Variants in EFR3B observed in about 807,000 individuals in gnomAD.
The protein encoded by EFR3B is EFR3 homolog B.
A neutral mutation model predicts 104.7 loss-of-function variants in EFR3B; 64 were observed. The ratio of observed to expected loss-of-function variants is 0.61; its 90% CI spans 0.50 to 0.75. The LOEUF (loss-of-function observed/expected upper bound fraction) is 0.75, where lower values mean the gene tolerates loss of function less well. Among genes scored for constraint, EFR3B ranks in the 30% least tolerant of loss-of-function variants. The probability of loss-of-function intolerance (pLI) is 0.00; values close to 1 mark genes in which losing one functional copy is unlikely to be tolerated. For missense variants in EFR3B, 750 were observed against 1,078.5 expected (o/e 0.70, Z 4.27); for synonymous variants, 385 against 417.9 (o/e 0.92, Z 0.96).
At chr2:25,084,582 G>A (rs1010943872) in intron 1 of EFR3B, among the ~76,000 whole-genome samples, 9 of 152,240 alleles carry the variant, frequency 5.9e-5, no homozygotes, top group Admixed American at 6.5e-5. Context: ...GGCTGAGGAC[G>A]TGCCCGTGAC....
In EFR3B at chr2:25,143,647, C is replaced by T. The variant is rs1167789440; in HGVS notation, c.1923-88C>T. ...CACACTCCAGCCTGGGCGACAAGAGCAAAACCCTGTCTTAAAAAAAAAAAT... is the reference window on the plus strand; with the variant it reads ...CACACTCCAGCCTGGGCGACAAGAGTAAAACCCTGTCTTAAAAAAAAAAAT... On this transcript the variant is annotated intron_variant, in intron 17 of 22. Transcript: ENST00000403714. 34 of 1,491,728 alleles carry T rather than the reference C, an allele frequency of 2.3e-5. No homozygotes were observed. The South Asian group carries it at 4.3e-4, about 19-fold the overall frequency. The allele number at this position is 1,491,728 out of a possible 1,614,324, so 92.4% of individuals were successfully genotyped here. A position where few individuals can be genotyped will look rare whatever the true frequency, so the allele number is the denominator to read the frequency against.
rs1669817066 is a variant in EFR3B, at chr2:25,114,885, C to A, written c.364-6788C>A. On this transcript the variant is annotated intron_variant, in intron 4 of 22. Transcript: ENST00000403714. The surrounding 1 kb of genome is among the most constrained non-coding windows in gnomAD (Gnocchi z 4.0). ...TGCCCCAGAGTAGGGGGAGCGGGCA[C>A]TTAAGGATGCAGGTACCTGGCCGGG... is the stretch of plus-strand genomic sequence containing the variant. 6.6e-6 allele frequency among the ~76,000 whole-genome samples: 1 copy of A among 152,280 alleles called. No individual in the cohort carries two copies. The highest frequency in any genetic ancestry group is 2.1e-4 in the South Asian group (1 of 4,826).
chr2:25,115,804 G>C (rs576409696), intron 4 of EFR3B, among the ~76,000 whole-genome samples: 1 of 152,368 alleles, frequency 6.6e-6, no homozygotes, highest in South Asian at 2.1e-4. Context: ...GTGTTAAGCA[G>C]TGAGTGCCAC....
At chr2:25,125,532 T>C (rs1670138645) in intron 5 of EFR3B, among the ~76,000 whole-genome samples, 1 of 152,174 alleles carries the variant, frequency 6.6e-6, no homozygotes, top group South Asian at 2.1e-4. Context: ...AGGGAATCCT[T>C]GCCCATCGCC....
At position 25,131,238 on chromosome 2, in the gene EFR3B, C is replaced by A; in HGVS notation, c.850-130C>A. ...CAGTAAAGGGCACGAGGTGTCAGTGCCAACTGCAGTGCCCGGGGCCTTGGA... is the reference window on the plus strand; with the variant it reads ...CAGTAAAGGGCACGAGGTGTCAGTGACAACTGCAGTGCCCGGGGCCTTGGA... On this transcript the variant is annotated intron_variant, in intron 8 of 22. Transcript: ENST00000403714. This position sits in a 1 kb window ranked among gnomAD's most constrained non-coding sequence, Gnocchi z 7.6. The A allele has an allele frequency of 7.9e-7, 1 of 1,264,338 alleles. No homozygotes were observed. The highest frequency in any genetic ancestry group is 1.1e-6 in the Non-Finnish European group (1 of 934,238). The allele number at this position is 1,264,338 out of a possible 1,614,324, so 78.3% of individuals were successfully genotyped here.
At chr2:25,125,822 C>T (rs1670151685) in intron 5 of EFR3B, among the ~76,000 whole-genome samples, 1 of 152,208 alleles carries the variant, frequency 6.6e-6, no homozygotes, top group Non-Finnish European at 1.5e-5. Flanking sequence ...GTGGCGGGCG[C>T]CTGTAGTCCC....
At position 25,130,773 on chromosome 2, in the gene EFR3B, T is replaced by C. The variant is rs533918799; in HGVS notation, c.849+143T>C. The C allele has an allele frequency of 2.9e-6, 2 of 696,668 alleles. No individual in the cohort carries two copies. Among genetic ancestry groups the C allele is most frequent in the Non-Finnish European group, 5.0e-6 (2 of 397,774 alleles). The allele number at this position is 696,668 out of a possible 1,614,324, so 43.2% of individuals were successfully genotyped here. A position where few individuals can be genotyped will look rare whatever the true frequency, so the allele number is the denominator to read the frequency against. On this transcript the variant is annotated intron_variant, in intron 8 of 22. Transcript: ENST00000403714. The surrounding 1 kb of genome is among the most constrained non-coding windows in gnomAD (Gnocchi z 4.6). ...CGAAACCAGTGCTGCTTAAGCTAGC[T>C]GTGGAGAAGGGCCGGCTGATTTTAT...
In EFR3B at chr2:25,124,159, C is replaced by T. The variant is rs528903156; in HGVS notation, c.485+2365C>T. The stretch of plus-strand genomic sequence containing the variant: ...CTCAGCTGACCCGGTGGCAGCTGTG[C>T]TGGGCTGTCCACACACATAGCATCA... On this transcript the variant is annotated intron_variant, in intron 5 of 22. Coordinates refer to ENST00000403714, the MANE Select transcript of EFR3B (RefSeq NM_014971.2). 5.9e-5 allele frequency among the ~76,000 whole-genome samples: 9 copies of T among 152,190 alleles called. No individual in the cohort carries two copies. The East Asian group carries it at 1.7e-3, about 29-fold the overall frequency.
At chr2:25,109,458 G>C (rs953067867) in intron 4 of EFR3B, among the ~76,000 whole-genome samples, 4 of 152,218 alleles carry the variant, frequency 2.6e-5, no homozygotes, top group Non-Finnish European at 5.9e-5. Flanking sequence ...TTGGAAAATA[G>C]TTTGGTGCTT....
Position 25,131,361 on chromosome 2 carries a change from C to T in EFR3B, c.850-7C>T. 2 of 1,549,670 alleles carry T rather than the reference C, an allele frequency of 1.3e-6. No homozygotes were observed. Among genetic ancestry groups the T allele is most frequent in the South Asian group, 1.2e-5 (1 of 83,976 alleles). On this transcript the variant is annotated splice_polypyrimidine_tract_variant and splice_region_variant and intron_variant, in intron 8 of 22. Coordinates refer to ENST00000403714, the MANE Select transcript of EFR3B (RefSeq NM_014971.2). This position sits in a 1 kb window ranked among gnomAD's most constrained non-coding sequence, Gnocchi z 7.6. Reference sequence around the variant, plus strand: ...CTGTCCAGGCCCAGCTCATCTTCCTCCCGCAGCCGCAGCACTCACACCTGG... The same window carrying T: ...CTGTCCAGGCCCAGCTCATCTTCCTTCCGCAGCCGCAGCACTCACACCTGG...
At chr2:25,046,664 C>G (rs113900901) in intron 1 of EFR3B, among the ~76,000 whole-genome samples, 1 of 150,540 alleles carries the variant, frequency 6.6e-6, no homozygotes, top group Non-Finnish European at 1.5e-5. Flanking sequence ...CCACCTCGCC[C>G]GGCTAATTTT....
chr2:25,045,642 C>T (rs1432448293), intron 1 of EFR3B, among the ~76,000 whole-genome samples: 4 of 151,944 alleles, frequency 2.6e-5, no homozygotes, highest in Admixed American at 6.6e-5. Flanking sequence ...ATTAGCCGGG[C>T]GTGGTGGCAG....
chr2:25,106,420 G>C (rs1253788424), intron 4 of EFR3B, among the ~76,000 whole-genome samples: 1 of 151,420 alleles, frequency 6.6e-6, no homozygotes, highest in African/African-American at 2.4e-5. Context: ...CTCTCCAGTA[G>C]CTAGGATTAG....
intron 18 of EFR3B, among the ~76,000 whole-genome samples, chr2:25,144,468 C>T (rs1015366813): frequency 1.3e-5 from 2 of 151,902 alleles, no homozygotes; most frequent in Non-Finnish European, 2.9e-5. Context: ...TGCTTGAACC[C>T]GGGAGGCAAA....
intron 4 of EFR3B, among the ~76,000 whole-genome samples, chr2:25,109,392 T>C (rs1669657873): frequency 6.6e-6 from 1 of 152,208 alleles, no homozygotes; most frequent in Admixed American, 6.5e-5. Context: ...TGCAAGGATG[T>C]GTGGAAACCG....
At chr2:25,115,130 G>A (rs532491961) in intron 4 of EFR3B, among the ~76,000 whole-genome samples, 4 of 152,294 alleles carry the variant, frequency 2.6e-5, no homozygotes, top group Admixed American at 6.5e-5. Flanking sequence ...GCAGTGAGCC[G>A]TGATCACGCC....
intron 1 of EFR3B, among the ~76,000 whole-genome samples, chr2:25,062,930 CT>C (rs1270364617): frequency 1.0e-3 from 145 of 143,258 alleles, no homozygotes; most frequent in Admixed American, 1.0e-3. Flanking sequence ...TTTTCTTTTT[CT>C]TTTTTTTTTT....
chr2:25,130,997 T>G lies in EFR3B; in HGVS notation c.849+367T>G, dbSNP rs1670310768. Among the ~76,000 whole-genome samples the G allele has an allele frequency of 6.6e-6, 1 of 152,204 alleles. No homozygotes were observed. The highest frequency in any genetic ancestry group is 1.5e-5 in the Non-Finnish European group (1 of 68,044). ...GTGTAAACCAATATCAGACCTATCT[T>G]GAATGGGCACCAGCCCAGGGGCCCC... On this transcript the variant is annotated intron_variant, in intron 8 of 22. Coordinates refer to ENST00000403714, the MANE Select transcript of EFR3B (RefSeq NM_014971.2). The surrounding 1 kb of genome is among the most constrained non-coding windows in gnomAD (Gnocchi z 4.6).
intron 1 of EFR3B, among the ~76,000 whole-genome samples, chr2:25,087,520 C>T (rs1301595936): frequency 6.7e-6 from 1 of 148,368 alleles, no homozygotes; most frequent in African/African-American, 2.5e-5. Context: ...CGCTCTGTTG[C>T]TGAGGCTGTA....
Sources: allele counts gnomAD v4.1 joint callset (sites outside exome capture counted in the v4.1 genomes callset), GRCh38; gene constraint gnomAD v4.1.1; non-coding constraint Gnocchi (gnomAD v3.1); transcripts MANE v1.5; gene names NCBI Gene and HGNC (gene_info 2026-07-23, HGNC 2026-07-21).